FAM133A: variants seen among roughly 807,000 people sequenced by gnomAD.
FAM133A encodes the protein family with sequence similarity 133 member A, also known as protein FAM133A.
For missense variants in FAM133A, 159 were observed against 164.4 expected (o/e 0.97, Z 0.18); for synonymous variants, 65 against 58.6 (o/e 1.11, Z -0.50).
rs1167993125 is a variant in FAM133A at position 93,711,815 on chromosome X, A to C, written c.*1649A>C. 1 of 123,365 alleles carries C rather than the reference A, an allele frequency of 8.1e-6. No individual in the cohort carries two copies. The highest frequency in any genetic ancestry group is 1.9e-5 in the Non-Finnish European group (1 of 53,266). 10.2% of individuals were successfully genotyped at this position (123,365 alleles called of 1,213,427 possible). A position where few individuals can be genotyped will look rare whatever the true frequency, so the allele number is the denominator to read the frequency against. On this transcript the variant is annotated 3_prime_UTR_variant, in exon 4 of 4. Coordinates refer to ENST00000683942, the MANE Select transcript of FAM133A (RefSeq NM_001171109.2). Reference sequence around the variant, plus strand: ...TCATAACTTTAGCTTTTTCCTAAAAATATATGTTTATGCTGATAAAAACTA... The same window carrying C: ...TCATAACTTTAGCTTTTTCCTAAAACTATATGTTTATGCTGATAAAAACTA...
At chrX:93,696,408 C>G (rs1160977465) in intron 2 of FAM133A, among the ~76,000 whole-genome samples, 4 of 111,527 alleles carry the variant, frequency 3.6e-5, no homozygotes, top group Non-Finnish European at 5.6e-5. Context: ...ATAGCCACCT[C>G]AAAACAATTT....
At chrX:93,709,136 T>G (rs1927242050) in intron 3 of FAM133A, among the ~76,000 whole-genome samples, 181 bp from the exon 4 acceptor site, 2 of 111,943 alleles carry the variant, frequency 1.8e-5, no homozygotes, top group South Asian at 7.3e-4. Flanking sequence ...ATATTATGTT[T>G]ATACCACAGT....
At chrX:93,708,582 C>T (rs960140216) in intron 3 of FAM133A, among the ~76,000 whole-genome samples, 4 of 111,802 alleles carry the variant, frequency 3.6e-5, no homozygotes, top group African/African-American at 1.3e-4. Flanking sequence ...GAGTTTTACT[C>T]TAATTCTCTA....
At chrX:93,677,185 C>T in intron 2 of FAM133A, among the ~76,000 whole-genome samples, 1 of 110,071 alleles carries the variant, frequency 9.1e-6, no homozygotes, top group Non-Finnish European at 1.9e-5. Flanking sequence ...CATGCTTCTA[C>T]ATGAGATGAT....
chrX:93,707,266 A>G (rs1927101023), intron 3 of FAM133A, among the ~76,000 whole-genome samples: 1 of 111,539 alleles, frequency 9.0e-6, no homozygotes, highest in Non-Finnish European at 1.9e-5. Context: ...AAAGACCTAA[A>G]AGGGCTGCCT....
In FAM133A at chrX:93,712,145, A is replaced by G. The variant is rs901661431; in HGVS notation, c.*1979A>G. On this transcript the variant is annotated 3_prime_UTR_variant, in exon 4 of 4. Coordinates refer to ENST00000683942, the MANE Select transcript of FAM133A (RefSeq NM_001171109.2). ...CTGAAAGCAAGATGTTCCAAATGGC[A>G]TACTTACAAGACGGATGCAACCTGG... 8.1e-6 allele frequency: 1 copy of G among 123,398 alleles called. No homozygotes were observed. Among genetic ancestry groups the G allele is most frequent in the African/African-American group, 3.2e-5 (1 of 30,820 alleles). The allele number at this position is 123,398 out of a possible 1,213,427, so 10.2% of individuals were successfully genotyped here.
intron 3 of FAM133A, among the ~76,000 whole-genome samples, chrX:93,700,833 C>T (rs1364804990): frequency 9.0e-6 from 1 of 111,486 alleles, no homozygotes; most frequent in Non-Finnish European, 1.9e-5. Context: ...ATTCTCTGTT[C>T]TCTTTTCAGA....
At chrX:93,698,697 A>T (rs1184742516) in intron 3 of FAM133A, among the ~76,000 whole-genome samples, 1 of 112,141 alleles carries the variant, frequency 8.9e-6, no homozygotes, top group Non-Finnish European at 1.9e-5. Context: ...AAAACTTTGT[A>T]TAAGTAGCTA....
rs1295872355 is a variant in FAM133A, at chrX:93,710,162, G to A, written c.743G>A (p.Arg248Lys). 19 of 1,157,869 alleles carry A rather than the reference G, an allele frequency of 1.6e-5. No individual in the cohort carries two copies. Among genetic ancestry groups the A allele is most frequent in the Non-Finnish European group, 2.2e-5 (19 of 875,663 alleles). The change falls in exon 4 of 4, where the codon AGG becomes AAG. Residue 248 changes from arginine to lysine, a missense_variant. By Grantham distance (26) the Arg-to-Lys change is conservative. Transcript: ENST00000683942. ...KKKSGSSHKS[R>K] ...AAGTCTGGATCAAGTCACAAGTCAA[G>A]GTAACATCAAGAAAAAAAGCAAGAA...
intron 3 of FAM133A, among the ~76,000 whole-genome samples, chrX:93,700,646 T>G (rs1185892833): frequency 1.8e-5 from 2 of 111,582 alleles, no homozygotes; most frequent in Non-Finnish European, 3.8e-5. Flanking sequence ...TTATTTTCAG[T>G]AGTCATCTAT....
At chrX:93,708,010 CGAT>C (rs1927149113) in intron 3 of FAM133A, among the ~76,000 whole-genome samples, 1 of 111,633 alleles carries the variant, frequency 9.0e-6, no homozygotes, top group African/African-American at 3.2e-5. Flanking sequence ...ATAAAATAAA[CGAT>C]GAACTATCAT....
chrX:93,708,706 G>A (rs1261581572), intron 3 of FAM133A, among the ~76,000 whole-genome samples: 1 of 112,191 alleles, frequency 8.9e-6, no homozygotes, highest in Non-Finnish European at 1.9e-5. Flanking sequence ...CCTTGACAGA[G>A]AATAAACACT....
At position 93,710,190 on chromosome X, in the gene FAM133A, A is replaced by G. The variant is rs1220796826; in HGVS notation, c.*24A>G. 7 of 1,137,814 alleles carry G rather than the reference A, an allele frequency of 6.2e-6. No individual in the cohort carries two copies. The highest frequency in any genetic ancestry group is 8.1e-6 in the Non-Finnish European group (7 of 866,517). 93.8% of individuals were successfully genotyped at this position (1,137,814 alleles called of 1,213,427 possible). On this transcript the variant is annotated 3_prime_UTR_variant, in exon 4 of 4. Coordinates refer to ENST00000683942, the MANE Select transcript of FAM133A (RefSeq NM_001171109.2). ...AACATCAAGAAAAAAAGCAAGAATG[A>G]GTTTGCCGAGTTCCCCTGTGTTAGT...
intron 3 of FAM133A, among the ~76,000 whole-genome samples, chrX:93,707,766 C>T (rs1056908488): frequency 1.8e-5 from 2 of 111,545 alleles, no homozygotes; most frequent in African/African-American, 6.5e-5. Flanking sequence ...CCTCCTTTCT[C>T]TCAGAGTTAC....
Position 93,703,012 on chromosome X carries a change from A to G in FAM133A, c.-104+4527A>G, listed in dbSNP as rs566258363. Among the ~76,000 whole-genome samples the G allele has an allele frequency of 1.6e-4, 18 of 109,936 alleles. 1 individual carries two copies. The South Asian group carries it at 6.3e-3, about 39-fold the overall frequency. On this transcript the variant is annotated intron_variant, in intron 3 of 3. Transcript: ENST00000683942. ...TGATCAGCCGTGGTGACATGGCGAA[A>G]CCCTGTCTCTACGAAAAAATACAAA...
intron 2 of FAM133A, among the ~76,000 whole-genome samples, chrX:93,688,003 A>G (rs1032077293): frequency 1.7e-4 from 19 of 111,908 alleles, no homozygotes; most frequent in Non-Finnish European, 2.8e-4. Context: ...GCTGAATAGC[A>G]TTCCATTATG....
rs920537640 is a variant in FAM133A, at chrX:93,680,168, A to G, written c.-193+5416A>G. Among the ~76,000 whole-genome samples the G allele has an allele frequency of 5.5e-5, 6 of 108,907 alleles. No homozygotes were observed. In the Admixed American group the frequency reaches 5.9e-4, roughly 11 times the overall value. 94.6% of individuals were successfully genotyped at this position (108,907 alleles called of 115,157 possible). A position where few individuals can be genotyped will look rare whatever the true frequency, so the allele number is the denominator to read the frequency against. On this transcript the variant is annotated intron_variant, in intron 2 of 3. Transcript: ENST00000683942. ...TACTCTTTGTTTCTATGAATGTGACATTTTTATGCTCCACATGTGAGATCA... is the reference window on the plus strand; with the variant it reads ...TACTCTTTGTTTCTATGAATGTGACGTTTTTATGCTCCACATGTGAGATCA...
chrX:93,702,837 TAAAAAAAAAAA>T (rs33985910), intron 3 of FAM133A, among the ~76,000 whole-genome samples: 6 of 43,042 alleles, frequency 1.4e-4, no homozygotes, highest in Admixed American at 3.5e-4. Flanking sequence ...ATAGCTATGA[TAAAAAAAAAAA>T]AAAAAAAAAA....
chrX:93,697,167 TTATATA>T (rs767010042), intron 2 of FAM133A, among the ~76,000 whole-genome samples: 9 of 93,753 alleles, frequency 9.6e-5, no homozygotes, highest in African/African-American at 2.5e-4. Flanking sequence ...TATAGGCAAG[TTATATA>T]TATATATATA....
Sources: allele counts gnomAD v4.1 joint callset (sites outside exome capture counted in the v4.1 genomes callset), GRCh38; gene constraint gnomAD v4.1.1; transcripts MANE v1.5; gene names NCBI Gene and HGNC (gene_info 2026-07-23, HGNC 2026-07-21).